PLCL1: variants seen among roughly 807,000 people sequenced by gnomAD.
PLCL1 encodes the protein phospholipase C like 1 (inactive).
In PLCL1, 41 loss-of-function variants were observed where a neutral mutation model predicts 84.4. That is an observed-to-expected ratio of 0.49 (90% CI 0.38 to 0.63). The LOEUF (loss-of-function observed/expected upper bound fraction) is 0.63, where lower values mean the gene tolerates loss of function less well. PLCL1 is among the 30% of genes least tolerant of loss of function. The pLI, the probability that PLCL1 is intolerant of heterozygous loss-of-function variation, is 0.00. For missense variants in PLCL1, 1,206 were observed against 1,367.8 expected (o/e 0.88, Z 1.87); for synonymous variants, 490 against 488.3 (o/e 1.00, Z -0.05).
rs1412163263 is a variant in PLCL1, at chr2:197,933,288, G to A, written c.240+127949G>A. ...TTCTTTTTTTTTTTTTTTTGAGACG[G>A]AGTCTCTCTCTGTTGCCCAGGCTGG... On this transcript the variant is annotated intron_variant, in intron 1 of 5. Coordinates refer to ENST00000428675, the MANE Select transcript of PLCL1 (RefSeq NM_006226.4). Among the ~76,000 whole-genome samples the A allele has an allele frequency of 1.0e-4, 15 of 144,070 alleles. No homozygotes were observed. In the South Asian group the frequency reaches 2.9e-3, roughly 28 times the overall value. 94.5% of individuals were successfully genotyped at this position (144,070 alleles called of 152,430 possible).
intron 1 of PLCL1, among the ~76,000 whole-genome samples, chr2:197,900,137 AG>A (rs1688236745): frequency 6.6e-6 from 1 of 152,214 alleles, no homozygotes; most frequent in Non-Finnish European, 1.5e-5. Context: ...CTAAAATGTA[AG>A]CTCTTTGAGA....
At chr2:198,115,220 A>G (rs1424409996) in intron 5 of PLCL1, among the ~76,000 whole-genome samples, 1 of 151,828 alleles carries the variant, frequency 6.6e-6, no homozygotes, top group Admixed American at 6.6e-5. Flanking sequence ...TCCAGGGCCT[A>G]AGGGGAAGAG....
In PLCL1 at chr2:198,013,742, C is replaced by T. The variant is rs543706943; in HGVS notation, c.241-70016C>T. On this transcript the variant is annotated intron_variant, in intron 1 of 5. Transcript: ENST00000428675. ...ATGAAACACCAATGAACCAGTGCAGCTGGGGATTTAAACATCTAAGTGGGC... is the reference window on the plus strand; with the variant it reads ...ATGAAACACCAATGAACCAGTGCAGTTGGGGATTTAAACATCTAAGTGGGC... Among the ~76,000 whole-genome samples the T allele has an allele frequency of 2.2e-3, 328 of 152,210 alleles. 3 individuals are homozygous for T. Among genetic ancestry groups the T allele is most frequent in the African/African-American group, 6.6e-3 (275 of 41,538 alleles).
chr2:198,038,392 A>T (rs983566565), intron 1 of PLCL1, among the ~76,000 whole-genome samples: 30 of 152,160 alleles, frequency 2.0e-4, no homozygotes, highest in African/African-American at 6.5e-4. Context: ...AAAGAAAATT[A>T]GAGTTAAAAA....
chr2:197,805,060 C>T lies in PLCL1; in HGVS notation c.-40C>T, dbSNP rs1254075961. On this transcript the variant is annotated 5_prime_UTR_variant, in exon 1 of 6. Transcript: ENST00000428675. This position sits in a 1 kb window ranked among gnomAD's most constrained non-coding sequence, Gnocchi z 4.0. Reference sequence around the variant, plus strand: ...CTAGCGGCTGGACTCCGCTGCCGGGCGTCCCGCTTTCCCCCGGGGAGCCCT... The same window carrying T: ...CTAGCGGCTGGACTCCGCTGCCGGGTGTCCCGCTTTCCCCCGGGGAGCCCT... 1.5e-5 allele frequency: 22 copies of T among 1,419,594 alleles called. No homozygotes were observed. Among genetic ancestry groups the T allele is most frequent in the African/African-American group, 4.5e-5 (3 of 66,784 alleles). The allele number at this position is 1,419,594 out of a possible 1,614,324, so 87.9% of individuals were successfully genotyped here.
chr2:197,915,540 G>C (rs1688579606), intron 1 of PLCL1, among the ~76,000 whole-genome samples: 1 of 148,346 alleles, frequency 6.7e-6, no homozygotes, highest in African/African-American at 2.5e-5. Flanking sequence ...TTTTTTTGAA[G>C]TCCGATGGCA....
At position 197,983,095 on chromosome 2, in the gene PLCL1, AG is replaced by A. The variant is rs558820327; in HGVS notation, c.241-100661del. Among the ~76,000 whole-genome samples, 61 of 151,174 alleles carry A rather than the reference AG, an allele frequency of 4.0e-4. No homozygotes were observed. The East Asian group carries it at 0.011, about 28-fold the overall frequency. On this transcript the variant is annotated intron_variant, in intron 1 of 5. Coordinates refer to ENST00000428675, the MANE Select transcript of PLCL1 (RefSeq NM_006226.4). ...TCCCCTTTATCCCTGTGTTCAAATG[AG>A]GAGTTATTATTTGCTTCAGGAAGCT...
chr2:197,885,197 G>T (rs930458059), intron 1 of PLCL1, among the ~76,000 whole-genome samples: 5 of 152,158 alleles, frequency 3.3e-5, no homozygotes, highest in East Asian at 1.9e-4. Flanking sequence ...TAATCAATTG[G>T]TTTTTTATAT....
chr2:197,978,508 A>G (rs150598974), intron 1 of PLCL1, among the ~76,000 whole-genome samples: 181 of 152,312 alleles, frequency 1.2e-3, no homozygotes, highest in African/African-American at 4.2e-3. Flanking sequence ...AACAAACAAA[A>G]AAAGAGTTAA....
At chr2:198,110,495 C>T (rs1017769751) in intron 5 of PLCL1, among the ~76,000 whole-genome samples, 5 of 151,814 alleles carry the variant, frequency 3.3e-5, no homozygotes, top group Non-Finnish European at 5.9e-5. Flanking sequence ...TGTAGAAATA[C>T]GCTTTCAATT....
chr2:198,141,453 C>T (rs915301150), intron 5 of PLCL1, among the ~76,000 whole-genome samples: 5 of 141,978 alleles, frequency 3.5e-5, no homozygotes, highest in South Asian at 2.2e-4. Context: ...TTCCAAACAG[C>T]GTAACATACC....
chr2:197,829,969 A>G (rs1038880923), intron 1 of PLCL1, among the ~76,000 whole-genome samples: 21 of 152,242 alleles, frequency 1.4e-4, no homozygotes, highest in East Asian at 1.9e-4. Flanking sequence ...ATGAAATCTA[A>G]CAGTCACAAA....
intron 1 of PLCL1, among the ~76,000 whole-genome samples, chr2:197,823,818 A>G (rs933266740): frequency 5.9e-5 from 9 of 152,120 alleles, no homozygotes; most frequent in Admixed American, 2.0e-4. Flanking sequence ...TTTACGCTTC[A>G]AATTTCTTCC....
chr2:197,827,261 C>G (rs1460611790), intron 1 of PLCL1, among the ~76,000 whole-genome samples: 2 of 152,092 alleles, frequency 1.3e-5, no homozygotes, highest in Non-Finnish European at 2.9e-5. Flanking sequence ...TCAGGAGGCC[C>G]AGTGCAATGT....
intron 1 of PLCL1, among the ~76,000 whole-genome samples, chr2:198,015,930 C>CT (rs1287137641): frequency 6.6e-6 from 1 of 152,044 alleles, no homozygotes. Flanking sequence ...TGAAGGTAAA[C>CT]TTTTTTTACA....
chr2:197,942,522 C>G (rs528800640), intron 1 of PLCL1, among the ~76,000 whole-genome samples: 1 of 152,200 alleles, frequency 6.6e-6, no homozygotes, highest in Non-Finnish European at 1.5e-5. Context: ...TCAATTTCTC[C>G]CTATAGCAGT....
At chr2:197,879,851 G>T (rs1263473678) in intron 1 of PLCL1, among the ~76,000 whole-genome samples, 1 of 152,092 alleles carries the variant, frequency 6.6e-6, no homozygotes. Flanking sequence ...ACTAAATTCT[G>T]CAGTTTGATT....
At chr2:198,097,590 C>G (rs1320920418) in intron 3 of PLCL1, among the ~76,000 whole-genome samples, 2 of 152,116 alleles carry the variant, frequency 1.3e-5, no homozygotes. Flanking sequence ...AATGACTACT[C>G]AAGGTATAGC....
chr2:198,127,011 T>TGG (rs200920446), intron 5 of PLCL1, among the ~76,000 whole-genome samples: 575 of 56,794 alleles, frequency 0.01, 11 homozygotes, highest in Admixed American at 0.089. Context: ...TGTGTGTGTG[T>TGG]GGGGGGTGGT....
Sources: allele counts gnomAD v4.1 joint callset (sites outside exome capture counted in the v4.1 genomes callset), GRCh38; gene constraint gnomAD v4.1.1; non-coding constraint Gnocchi (gnomAD v3.1); transcripts MANE v1.5; gene names NCBI Gene and HGNC (gene_info 2026-07-23, HGNC 2026-07-21).